TTC6: variants seen among roughly 807,000 people sequenced by gnomAD.
The protein encoded by TTC6 is tetratricopeptide repeat domain 6.
In TTC6, 172 loss-of-function variants were observed where a neutral mutation model predicts 210.4. The observed-to-expected ratio is 0.82, with a 90% CI of 0.72 to 0.93. The LOEUF (loss-of-function observed/expected upper bound fraction) is 0.93. Among genes scored for constraint, TTC6 ranks in the 40% least tolerant of loss-of-function variants. The probability of loss-of-function intolerance (pLI) is 0.00; values close to 1 mark genes in which losing one functional copy is unlikely to be tolerated. For synonymous variants in TTC6, 804 were observed against 819.6 expected (o/e 0.98, Z 0.32); for missense variants, 2,414 against 2,318.1 (o/e 1.04, Z -0.85).
chr14:37,812,269 C>T (rs772127135), intron 24 of TTC6, 45 bp from the exon 27 acceptor site: 3 of 1,590,060 alleles, frequency 1.9e-6, no homozygotes, highest in South Asian at 2.3e-5. Context: ...CCAATGAATT[C>T]AGGCTCTAAA....
Position 37,622,088 on chromosome 14 carries a change from TG to T in TTC6, c.26del (p.Gly9AlafsTer2). On this transcript the variant is annotated frameshift_variant, in exon 1 of 31. Transcript: ENST00000553443. LOFTEE classifies it high-confidence loss of function. The stretch of plus-strand genomic sequence containing the variant: ...AGATGTCCACAATCCCGAGACACTT[TG>T]GCCTGAAATACAAAGAGGAATCGTA... 6.5e-7 allele frequency: 1 copy of T among 1,532,186 alleles called. No homozygotes were observed. Among genetic ancestry groups the T allele is most frequent in the Non-Finnish European group, 8.7e-7 (1 of 1,144,794 alleles). 94.9% of individuals were successfully genotyped at this position (1,532,186 alleles called of 1,614,324 possible).
intron 1 of TTC6, among the ~76,000 whole-genome samples, chr14:37,661,178 C>T (rs930329590): frequency 6.6e-6 from 1 of 152,152 alleles, no homozygotes; most frequent in African/African-American, 2.4e-5. Context: ...TGTGCATAAG[C>T]TCTTTAGTTT....
At chr14:37,634,547 G>A (rs1327782283) in intron 1 of TTC6, among the ~76,000 whole-genome samples, 2 of 152,104 alleles carry the variant, frequency 1.3e-5, no homozygotes, top group Non-Finnish European at 2.9e-5. Flanking sequence ...GAAAAAGAGG[G>A]CAGGACTGAA....
At chr14:37,674,789 T>C (rs1040394441) in intron 1 of TTC6, among the ~76,000 whole-genome samples, 6 of 152,176 alleles carry the variant, frequency 3.9e-5, no homozygotes, top group Admixed American at 6.5e-5. Context: ...CTACATCGAT[T>C]TGTGTTTCTT....
chr14:37,697,235 G>A (rs1283800851), intron 4 of TTC6, among the ~76,000 whole-genome samples: 1 of 151,938 alleles, frequency 6.6e-6, no homozygotes, highest in Non-Finnish European at 1.5e-5. Flanking sequence ...ATGTGCATAA[G>A]CCATCTGCTT....
intron 1 of TTC6, among the ~76,000 whole-genome samples, chr14:37,651,873 C>T (rs1397735594): frequency 1.3e-5 from 2 of 152,240 alleles, no homozygotes; most frequent in Non-Finnish European, 2.9e-5. Context: ...GGAGATGAAG[C>T]TGGAGAGGCA....
chr14:37,716,935 G>A (rs540817109), intron 6 of TTC6, among the ~76,000 whole-genome samples: 35 of 152,016 alleles, frequency 2.3e-4, no homozygotes, highest in Admixed American at 2.1e-3. Flanking sequence ...TCAGTAAGAG[G>A]AAGATAACAA....
At chr14:37,622,860 G>T in exon 1 of TTC6, 1 of 1,534,580 alleles carries the variant, frequency 6.5e-7, no homozygotes, top group Non-Finnish European at 8.7e-7. Context: ...CGCCTGGCAG[G>T]CGCTGCTGCC....
intron 20 of TTC6, among the ~76,000 whole-genome samples, chr14:37,803,703 G>A (rs1047131542): frequency 6.6e-6 from 1 of 152,090 alleles, no homozygotes; most frequent in East Asian, 1.9e-4. Flanking sequence ...GAGAAAGAAA[G>A]CAATTCAAAG....
At chr14:37,711,777 G>A (rs1254013753) in intron 5 of TTC6, among the ~76,000 whole-genome samples, 1 of 152,070 alleles carries the variant, frequency 6.6e-6, no homozygotes, top group African/African-American at 2.4e-5. Flanking sequence ...TTGAAGGAGG[G>A]AGGGTCTGGA....
exon 29 of TTC6, chr14:37,827,220 A>G: frequency 6.2e-7 from 1 of 1,612,788 alleles, no homozygotes; most frequent in Non-Finnish European, 8.5e-7. Context: ...AGAATTCTTA[A>G]CAAATCGTGG....
intron 20 of TTC6, among the ~76,000 whole-genome samples, chr14:37,799,423 C>T (rs1423078969): frequency 6.6e-6 from 1 of 152,126 alleles, no homozygotes; most frequent in Non-Finnish European, 1.5e-5. Context: ...TTCTGCTGCT[C>T]ACCACAATCT....
chr14:37,763,175 A>T (rs889688310), intron 14 of TTC6, among the ~76,000 whole-genome samples: 1 of 152,088 alleles, frequency 6.6e-6, no homozygotes. Context: ...GACGTGAGCC[A>T]CTGCACCCGG....
At chr14:37,634,147 A>T (rs1379748513) in intron 1 of TTC6, among the ~76,000 whole-genome samples, 1 of 152,238 alleles carries the variant, frequency 6.6e-6, no homozygotes, top group Admixed American at 6.5e-5. Context: ...GATGACAGAG[A>T]TGTTGGAATT....
Position 37,819,671 on chromosome 14 carries a change from C to T in TTC6, c.4763+2020C>T, listed in dbSNP as rs985643739. On this transcript the variant is annotated intron_variant, in intron 26 of 30. Transcript: ENST00000553443. ...TATATATCCTATCTACTTTTTACTT[C>T]AGCACATTTATTTTACTATTCTTAC... Among the ~76,000 whole-genome samples, 3 of 152,322 alleles carry T rather than the reference C, an allele frequency of 2.0e-5. No individual in the cohort carries two copies. The East Asian group carries it at 5.8e-4, about 29-fold the overall frequency.
intron 14 of TTC6, among the ~76,000 whole-genome samples, chr14:37,785,261 A>T (rs568541402): frequency 6.6e-6 from 1 of 152,316 alleles, no homozygotes; most frequent in East Asian, 1.9e-4. Context: ...AGGTACACCA[A>T]TCAGACATAG....
At chr14:37,687,155 G>A (rs2095795599) in intron 3 of TTC6, among the ~76,000 whole-genome samples, 3 of 152,238 alleles carry the variant, frequency 2.0e-5, no homozygotes, top group Admixed American at 6.5e-5. Context: ...GGTGCAGAGA[G>A]TGTTTTTGTG....
intron 28 of TTC6, 52 bp from the exon 31 acceptor site, chr14:37,827,144 C>T: frequency 7.0e-7 from 1 of 1,432,568 alleles, no homozygotes; most frequent in Non-Finnish European, 9.4e-7. Context: ...GACATGACAT[C>T]AGAGGTAAAT....
intron 1 of TTC6, among the ~76,000 whole-genome samples, chr14:37,650,498 A>T (rs1395205952): frequency 1.3e-5 from 2 of 152,178 alleles, no homozygotes; most frequent in Non-Finnish European, 2.9e-5. Flanking sequence ...GCTTGGCTAC[A>T]TTGTTTGTAA....
Sources: allele counts gnomAD v4.1 joint callset (sites outside exome capture counted in the v4.1 genomes callset), GRCh38; gene constraint gnomAD v4.1.1; transcripts MANE v1.5; gene names NCBI Gene and HGNC (gene_info 2026-07-23, HGNC 2026-07-21).